FRMD4A: variants seen among roughly 807,000 people sequenced by gnomAD.
FRMD4A encodes FERM domain containing 4A, also known as FERM domain-containing protein 4A.
Under a neutral mutation model 129.1 loss-of-function variants are expected in FRMD4A, and 29 were observed. The observed-to-expected ratio is 0.22, with a 90% CI of 0.17 to 0.31. The LOEUF (loss-of-function observed/expected upper bound fraction) is 0.31, where lower values mean the gene tolerates loss of function less well. FRMD4A is among the 10% of genes least tolerant of loss of function. FRMD4A has a pLI of 1.00. For synonymous variants in FRMD4A, 634 were observed against 571.6 expected (o/e 1.11, Z -1.56); for missense variants, 1,272 against 1,375.8 (o/e 0.92, Z 1.19).
chr10:13,768,096 G>A (rs1022821866), intron 6 of FRMD4A, among the ~76,000 whole-genome samples: 2 of 151,946 alleles, frequency 1.3e-5, no homozygotes, highest in African/African-American at 4.8e-5. Context: ...GTGTGTGTGT[G>A]TGTGTGCGAA....
intron 2 of FRMD4A, among the ~76,000 whole-genome samples, chr10:14,214,118 G>T (rs1564391983): frequency 6.6e-6 from 1 of 152,230 alleles, no homozygotes; most frequent in Non-Finnish European, 1.5e-5. Context: ...CAGCCATGTG[G>T]AACTGTGAGT....
chr10:14,142,978 T>TA (rs55969959), intron 2 of FRMD4A, among the ~76,000 whole-genome samples: 47,579 of 151,868 alleles, frequency 0.31, 8,350 homozygotes, highest in East Asian at 0.51. Flanking sequence ...ATGGCTATGA[T>TA]AAAAAAAATA....
Position 14,184,298 on chromosome 10 carries a change from A to ATTTTTTTTTTTTTTT in FRMD4A, c.45+145745_45+145759dup, listed in dbSNP as rs60196881. On this transcript the variant is annotated intron_variant, in intron 2 of 24. Transcript: ENST00000357447. ...AGGTGCATACCACCACAACCGGTTA[A>ATTTTTTTTTTTTTTT]TTTTTTTTTTTTTTTTAGTAGAGAT... Among the ~76,000 whole-genome samples, 45 of 104,888 alleles carry ATTTTTTTTTTTTTTT rather than the reference A, an allele frequency of 4.3e-4. 6 individuals are homozygous for ATTTTTTTTTTTTTTT. The highest frequency in any genetic ancestry group is 2.4e-3 in the East Asian group (8 of 3,370). The allele number at this position is 104,888 out of a possible 152,430, so 68.8% of individuals were successfully genotyped here. A position where few individuals can be genotyped will look rare whatever the true frequency, so the allele number is the denominator to read the frequency against.
intron 2 of FRMD4A, among the ~76,000 whole-genome samples, chr10:14,280,122 C>T (rs1845469658): frequency 6.6e-6 from 1 of 152,120 alleles, no homozygotes; most frequent in Non-Finnish European, 1.5e-5. Flanking sequence ...ACAGAACTGA[C>T]CATTTATTTT....
intron 2 of FRMD4A, among the ~76,000 whole-genome samples, chr10:14,097,855 C>A (rs965796251): frequency 1.2e-4 from 18 of 146,206 alleles, no homozygotes; most frequent in African/African-American, 4.5e-4. Flanking sequence ...ACGTATATGT[C>A]AATAATAATT....
intron 3 of FRMD4A, among the ~76,000 whole-genome samples, chr10:13,837,109 T>C (rs770878702): frequency 1.3e-5 from 2 of 151,846 alleles, no homozygotes; most frequent in Non-Finnish European, 2.9e-5. Context: ...TGGGAACACA[T>C]GGTGAGGATG....
chr10:13,774,501 G>A (rs1404986650), intron 6 of FRMD4A, among the ~76,000 whole-genome samples: 1 of 152,236 alleles, frequency 6.6e-6, no homozygotes, highest in Non-Finnish European at 1.5e-5. Context: ...TACCCAGTGT[G>A]GAGACTGTTC....
chr10:14,311,314 G>A (rs1246816698), intron 2 of FRMD4A, among the ~76,000 whole-genome samples: 1 of 152,096 alleles, frequency 6.6e-6, no homozygotes, highest in Non-Finnish European at 1.5e-5. Flanking sequence ...TTGTAGAACT[G>A]ACCAATTTAG....
chr10:14,113,897 G>A (rs1451552412), intron 2 of FRMD4A, among the ~76,000 whole-genome samples: 1 of 152,064 alleles, frequency 6.6e-6, no homozygotes, highest in African/African-American at 2.4e-5. Context: ...TGAATAATCT[G>A]GGAGTCACAT....
intron 23 of FRMD4A, 137 bp from the exon 24 acceptor site, chr10:13,652,111 A>G (rs2081668959): frequency 2.9e-6 from 2 of 689,716 alleles, no homozygotes; most frequent in East Asian, 2.6e-5. Context: ...TTAGCAACAG[A>G]TCATACAAGT....
At chr10:14,134,492 T>A (rs528135465) in intron 2 of FRMD4A, among the ~76,000 whole-genome samples, 1 of 148,402 alleles carries the variant, frequency 6.7e-6, no homozygotes, top group South Asian at 2.2e-4. Context: ...TGTGGATATA[T>A]GGGGGGATGA....
chr10:14,166,042 A>G (rs1290983468), intron 2 of FRMD4A, among the ~76,000 whole-genome samples: 1 of 152,034 alleles, frequency 6.6e-6, no homozygotes, highest in Non-Finnish European at 1.5e-5. Context: ...TAAATGCTCA[A>G]TAAATGGCAA....
At chr10:14,100,621 A>G (rs1837252520) in intron 2 of FRMD4A, among the ~76,000 whole-genome samples, 1 of 152,166 alleles carries the variant, frequency 6.6e-6, no homozygotes. Context: ...GATAAGCTGC[A>G]CAGTGAATCA....
In FRMD4A at chr10:13,646,972, C is replaced by T. The variant is rs573750498; in HGVS notation, c.*66G>A. The T allele has an allele frequency of 1.0e-6, 1 of 984,550 alleles. No homozygotes were observed. The highest frequency in any genetic ancestry group is 1.7e-5 in the African/African-American group (1 of 57,300). The allele number at this position is 984,550 out of a possible 1,614,324, so 61.0% of individuals were successfully genotyped here. ...CGGGCTTGGCTTTTTCCTGCCCGTA[C>T]CACTGGACATCAGCTAGTTCTGGAT... On this transcript the variant is annotated 3_prime_UTR_variant, in exon 25 of 25. Transcript: ENST00000357447.
At chr10:13,997,320 A>T (rs11258788) in intron 2 of FRMD4A, among the ~76,000 whole-genome samples, 42,837 of 152,036 alleles carry the variant, frequency 0.28, 7,285 homozygotes, top group East Asian at 0.73. Flanking sequence ...CTTCACCCCA[A>T]GAGTCTCTAC....
intron 2 of FRMD4A, among the ~76,000 whole-genome samples, chr10:14,099,101 T>G (rs1239936982): frequency 1.3e-5 from 2 of 152,226 alleles, no homozygotes; most frequent in African/African-American, 4.8e-5. Context: ...TGCCCTTTCT[T>G]AGATCCGGTT....
intron 2 of FRMD4A, among the ~76,000 whole-genome samples, chr10:13,877,556 G>T (rs2094500698): frequency 6.6e-6 from 1 of 152,206 alleles, no homozygotes; most frequent in African/African-American, 2.4e-5. Flanking sequence ...ATACAGAGCT[G>T]CAGGGAGAGC....
chr10:13,787,787 G>A (rs1335233876), intron 5 of FRMD4A, among the ~76,000 whole-genome samples: 1 of 149,296 alleles, frequency 6.7e-6, no homozygotes, highest in African/African-American at 2.5e-5. Flanking sequence ...GCTGGGCATA[G>A]TTTTTGGCCG....
At chr10:13,657,766 A>T (rs1478175210) in intron 21 of FRMD4A, among the ~76,000 whole-genome samples, 3 of 147,570 alleles carry the variant, frequency 2.0e-5, no homozygotes, top group African/African-American at 7.7e-5. Context: ...GCTAGGACTC[A>T]CAGAAAGGTT....
Sources: allele counts gnomAD v4.1 joint callset (sites outside exome capture counted in the v4.1 genomes callset), GRCh38; gene constraint gnomAD v4.1.1; transcripts MANE v1.5; gene names NCBI Gene and HGNC (gene_info 2026-07-23, HGNC 2026-07-21).